CFTR: variants seen among roughly 807,000 people sequenced by gnomAD.
The protein encoded by CFTR is cystic fibrosis transmembrane conductance regulator.
CFTR carries 181 observed loss-of-function variants against 171.6 expected under a neutral mutation model. That is an observed-to-expected ratio of 1.05 (90% CI 0.93 to 1.19). The LOEUF (loss-of-function observed/expected upper bound fraction) is 1.19. Ranked by LOEUF, CFTR falls within the 50% of genes most tolerant of loss-of-function variation. The probability of loss-of-function intolerance (pLI) is 0.00; values close to 1 mark genes in which losing one functional copy is unlikely to be tolerated. For synonymous variants in CFTR, 583 were observed against 608.0 expected, an observed-to-expected ratio of 0.96 and a Z score of 0.60; for missense variants, 1,968 against 1,734.7, an observed-to-expected ratio of 1.13 and a Z score of -2.39.
Position 117,603,718 on chromosome 7 carries a change from A to T in CFTR, c.2844A>T (p.Leu948Phe), listed in dbSNP as rs1402844924. The change falls in exon 17 of 27, where the codon TTA becomes TTT. Residue 948 changes from leucine to phenylalanine, a missense_variant. Leu to Phe is a conservative substitution (Grantham distance 22, BLOSUM62 0). Transcript: ENST00000003084. ...VHTLITVSKI[L>F]HHKMLHSVLQ... ...CTCTAATCACAGTGTCGAAAATTTT[A>T]CACCACAAAATGTTACATTCTGTTC... is the stretch of plus-strand genomic sequence containing the variant. 1.9e-6 allele frequency: 3 copies of T among 1,614,058 alleles called. No homozygotes were observed. In the South Asian group the frequency reaches 3.3e-5, roughly 18 times the overall value.
At chr7:117,504,408 A>G (rs1361177600) in intron 2 of CFTR, 45 bp downstream of exon 2, 1 of 953,234 alleles carries the variant, frequency 1.0e-6, no homozygotes, top group Non-Finnish European at 1.7e-6. Flanking sequence ...AATTCATATT[A>G]TTAATTATTT....
chr7:117,556,739 T>C (rs1799366969), intron 10 of CFTR, among the ~76,000 whole-genome samples: 1 of 150,514 alleles, frequency 6.6e-6, no homozygotes, highest in South Asian at 2.1e-4. Flanking sequence ...CGGGATGGTC[T>C]CGATCTCCTG....
intron 11 of CFTR, among the ~76,000 whole-genome samples, chr7:117,582,762 A>G (rs1791868046): frequency 6.6e-6 from 1 of 152,194 alleles, no homozygotes; most frequent in South Asian, 2.1e-4. Flanking sequence ...ACTATTAGCA[A>G]TTCCTTCCCT....
intron 2 of CFTR, among the ~76,000 whole-genome samples, chr7:117,505,673 A>C (rs1798402271): frequency 6.6e-6 from 1 of 152,222 alleles, no homozygotes; most frequent in Admixed American, 6.5e-5. Flanking sequence ...AACTAGGCTG[A>C]GTCTCGTGCC....
chr7:117,559,508 G>C lies in CFTR; in HGVS notation c.1437G>C (p.Glu479Asp), dbSNP rs754152822. 1.4e-5 allele frequency: 22 copies of C among 1,611,702 alleles called. No individual in the cohort carries two copies. In the Admixed American group the frequency reaches 3.2e-4, roughly 23 times the overall value. ...MVIMGELEPS[E>D]GKIKHSGRIS... is the part of the protein sequence containing the mutation. ...TTATGGGAGAACTGGAGCCTTCAGA[G>C]GGTAAAATTAAGCACAGTGGAAGAA... is the stretch of plus-strand genomic sequence containing the variant. Residue 479 changes from glutamate to aspartate, a missense_variant, in exon 11 of 27, where the codon GAG (glutamate) becomes GAC (aspartate). Transcript: ENST00000003084.
intron 23 of CFTR, among the ~76,000 whole-genome samples, chr7:117,646,777 G>A (rs1793002007): frequency 1.3e-5 from 2 of 151,974 alleles, no homozygotes; most frequent in African/African-American, 4.8e-5. Flanking sequence ...ACTTAAGGGA[G>A]GAGAGAAAAA....
chr7:117,518,582 A>G (rs1798636855), intron 3 of CFTR, among the ~76,000 whole-genome samples: 1 of 147,940 alleles, frequency 6.8e-6, no homozygotes, highest in East Asian at 2.0e-4. Flanking sequence ...ATATATATAT[A>G]TATATATGTG....
At chr7:117,557,132 C>T (rs1299084719) in intron 10 of CFTR, among the ~76,000 whole-genome samples, 1 of 152,112 alleles carries the variant, frequency 6.6e-6, no homozygotes, top group African/African-American at 2.4e-5. Flanking sequence ...GTTTCCATTA[C>T]ATTGTTTTCT....
intron 4 of CFTR, 95 bp downstream of exon 4, chr7:117,531,209 G>A (rs1722231298): frequency 1.1e-6 from 1 of 883,492 alleles, no homozygotes; most frequent in Admixed American, 2.1e-5. Context: ...ACAAGTAAGG[G>A]ATAAATGCTG....
intron 3 of CFTR, among the ~76,000 whole-genome samples, chr7:117,530,076 A>G (rs1288755230): frequency 6.6e-6 from 1 of 152,060 alleles, no homozygotes; most frequent in Non-Finnish European, 1.5e-5. Flanking sequence ...TCGATGGACA[A>G]TTTGGTTTAG....
At position 117,529,407 on chromosome 7, in the gene CFTR, C is replaced by T. The variant is rs1313360621; in HGVS notation, c.274-1492C>T. Reference sequence around the variant, plus strand: ...GGGAGGGATAGCATTGGGAGATATACCTAATGCTAGATGACACGTTAGTGG... The same window carrying T: ...GGGAGGGATAGCATTGGGAGATATATCTAATGCTAGATGACACGTTAGTGG... On this transcript the variant is annotated intron_variant, in intron 3 of 26. Transcript: ENST00000003084. Among the ~76,000 whole-genome samples, 42 of 128,082 alleles carry T rather than the reference C, an allele frequency of 3.3e-4. 1 individual carries two copies. Among genetic ancestry groups the T allele is most frequent in the Admixed American group, 3.0e-3 (38 of 12,782 alleles). 84.0% of individuals were successfully genotyped at this position (128,082 alleles called of 152,430 possible).
At chr7:117,482,172 G>A (rs950052370) in intron 1 of CFTR, among the ~76,000 whole-genome samples, 2 of 152,104 alleles carry the variant, frequency 1.3e-5, no homozygotes, top group African/African-American at 4.8e-5. Context: ...ATGAAAAATT[G>A]TGTTTCACAT....
chr7:117,543,791 T>C (rs1276284473), intron 9 of CFTR, among the ~76,000 whole-genome samples: 1 of 152,242 alleles, frequency 6.6e-6, no homozygotes, highest in Non-Finnish European at 1.5e-5. Context: ...CATTTACTTA[T>C]GATGGTGATG....
chr7:117,568,711 A>G (rs1025841899), intron 11 of CFTR, among the ~76,000 whole-genome samples: 53 of 152,202 alleles, frequency 3.5e-4, no homozygotes, highest in Admixed American at 5.9e-4. Context: ...GCTCATTAAC[A>G]TATCCATCAC....
intron 10 of CFTR, among the ~76,000 whole-genome samples, chr7:117,555,250 A>C (rs1159004496): frequency 2.0e-5 from 3 of 152,246 alleles, no homozygotes; most frequent in South Asian, 4.1e-4. Flanking sequence ...AAAATTTATC[A>C]AAACTTAACA....
Position 117,592,782 on chromosome 7 carries a change from A to G in CFTR, c.2490+125A>G, listed in dbSNP as rs532266188. The stretch of plus-strand genomic sequence containing the variant: ...GGATAAGGTGTATCTTAAAACTCAG[A>G]AAGTATGAAGTTCATTAATTATACA... On this transcript the variant is annotated intron_variant, in intron 14 of 26. Transcript: ENST00000003084. The G allele has an allele frequency of 1.0e-4, 79 of 786,198 alleles. No homozygotes were observed. The East Asian group carries it at 2.4e-3, about 24-fold the overall frequency. The allele number at this position is 786,198 out of a possible 1,614,324, so 48.7% of individuals were successfully genotyped here.
intron 11 of CFTR, among the ~76,000 whole-genome samples, chr7:117,585,709 A>G (rs1791922588): frequency 6.6e-6 from 1 of 152,090 alleles, no homozygotes. Flanking sequence ...TGGTGTGATC[A>G]TAGCTCGCTA....
chr7:117,665,532 A>G lies in CFTR; in HGVS notation c.4210A>G (p.Ile1404Val), dbSNP rs1793360004. 1.2e-6 allele frequency: 2 copies of G among 1,612,896 alleles called. No individual in the cohort carries two copies. ...DCTVILCEHRIEAMLECQQFL... is the reference protein window; with the variant it reads ...DCTVILCEHRVEAMLECQQFL... The stretch of plus-strand genomic sequence containing the variant: ...CACAGTAATTCTCTGTGAACACAGG[A>G]TAGAAGCAATGCTGGAATGCCAACA... The change falls in exon 26 of 27, where the codon ATA becomes GTA. Residue 1404 changes from isoleucine to valine, a missense_variant. Ile to Val is a conservative substitution (Grantham distance 29). Coordinates refer to ENST00000003084, the MANE Select transcript of CFTR (RefSeq NM_000492.4).
intron 18 of CFTR, among the ~76,000 whole-genome samples, chr7:117,608,298 C>T (rs1257349495): frequency 1.3e-5 from 2 of 151,948 alleles, no homozygotes; most frequent in Non-Finnish European, 2.9e-5. Context: ...TCCACCTCCT[C>T]GGTTCAAGCG....
Sources: allele counts gnomAD v4.1 joint callset (sites outside exome capture counted in the v4.1 genomes callset), GRCh38; gene constraint gnomAD v4.1.1; transcripts MANE v1.5; gene names NCBI Gene and HGNC (gene_info 2026-07-23, HGNC 2026-07-21).